Variants in PDE10A observed in about 807,000 individuals in gnomAD.
The protein encoded by PDE10A is cAMP and cAMP-inhibited cGMP 3',5'-cyclic phosphodiesterase 10A.
In PDE10A, 39 loss-of-function variants were observed where a neutral mutation model predicts 97.7. The observed-to-expected ratio is 0.40, with a 90% CI of 0.31 to 0.52. PDE10A has a LOEUF of 0.52. PDE10A is among the 20% of genes least tolerant of loss of function. The pLI is 0.56. For missense variants in PDE10A, 731 were observed against 1,047.8 expected (o/e 0.70, Z 4.17); for synonymous variants, 371 against 376.8 (o/e 0.98, Z 0.18).
chr6:165,562,555 C>T (rs1461758303), intron 1 of PDE10A, among the ~76,000 whole-genome samples: 1 of 152,084 alleles, frequency 6.6e-6, no homozygotes, highest in African/African-American at 2.4e-5. Context: ...TGTTTAGCAT[C>T]TACATTCCCT....
At chr6:165,964,010 T>C (rs1784434366) in intron 1 of PDE10A, among the ~76,000 whole-genome samples, 2 of 152,254 alleles carry the variant, frequency 1.3e-5, no homozygotes, top group African/African-American at 4.8e-5. Flanking sequence ...GTGATACCCA[T>C]GCAATCAAAA....
chr6:165,378,523 G>C (rs1005989221), intron 18 of PDE10A, among the ~76,000 whole-genome samples: 1 of 152,130 alleles, frequency 6.6e-6, no homozygotes, highest in African/African-American at 2.4e-5. Context: ...TGGGTGAACA[G>C]GTTCATAAAG....
chr6:165,404,485 T>C (rs1786949994), intron 13 of PDE10A, among the ~76,000 whole-genome samples: 1 of 152,078 alleles, frequency 6.6e-6, no homozygotes, highest in African/African-American at 2.4e-5. Context: ...GTAGTTGTAG[T>C]TTCCAAATTT....
At position 165,818,415 on chromosome 6, in the gene PDE10A, G is replaced by A. The variant is rs1460294391; in HGVS notation, c.-615+169114C>T. On this transcript the variant is annotated intron_variant, in intron 1 of 19. Coordinates refer to the PDE10A transcript ENST00000366882. ...ATGGTGAAATGAAATGCGACTCTGC[G>A]GGGAGTTGTAAAGAAAGTCAAAGAA... Among the ~76,000 whole-genome samples, 8 of 152,178 alleles carry A rather than the reference G, an allele frequency of 5.3e-5. No homozygotes were observed. The East Asian group carries it at 1.3e-3, about 26-fold the overall frequency.
intron 1 of PDE10A, among the ~76,000 whole-genome samples, chr6:165,830,056 T>C (rs1382800700): frequency 6.6e-6 from 1 of 152,220 alleles, no homozygotes; most frequent in East Asian, 1.9e-4. Flanking sequence ...GGAAATCTTA[T>C]TGAACAAATG....
intron 1 of PDE10A, among the ~76,000 whole-genome samples, chr6:165,864,165 A>G (rs1398402667): frequency 9.3e-6 from 1 of 107,950 alleles, no homozygotes; most frequent in Non-Finnish European, 1.9e-5. Context: ...GCAGCCAGCC[A>G]GATCCTTTAT....
In PDE10A at chr6:165,753,332, C is replaced by A. The variant is rs575984022; in HGVS notation, c.-614-209764G>T. ...CAGGCCAAGCACTCTTCACAATGAT[C>A]CCCGTATGTACGTGGGTGGGGTCCA... On this transcript the variant is annotated intron_variant, in intron 1 of 19. Transcript: ENST00000366882. Among the ~76,000 whole-genome samples the A allele has an allele frequency of 2.0e-5, 3 of 152,296 alleles. No homozygotes were observed. The South Asian group carries it at 6.2e-4, about 32-fold the overall frequency.
At chr6:165,833,025 C>T (rs1779968204) in intron 1 of PDE10A, among the ~76,000 whole-genome samples, 1 of 152,196 alleles carries the variant, frequency 6.6e-6, no homozygotes, top group African/African-American at 2.4e-5. Flanking sequence ...ACAATTAACA[C>T]CATCAAGAAT....
At chr6:165,782,638 C>T (rs1007651658) in intron 1 of PDE10A, among the ~76,000 whole-genome samples, 6 of 152,210 alleles carry the variant, frequency 3.9e-5, no homozygotes, top group Admixed American at 6.5e-5. Flanking sequence ...CACAATCTGT[C>T]GTATTTCCCC....
At chr6:165,613,854 T>C (rs776955526) in intron 1 of PDE10A, among the ~76,000 whole-genome samples, 6 of 152,142 alleles carry the variant, frequency 3.9e-5, no homozygotes, top group African/African-American at 9.7e-5. Flanking sequence ...CTGTATCTTA[T>C]CTGTCCAACA....
chr6:165,729,201 C>CAAA (rs34154347), intron 1 of PDE10A, among the ~76,000 whole-genome samples: 3 of 125,464 alleles, frequency 2.4e-5, no homozygotes, highest in Non-Finnish European at 4.9e-5. Context: ...GACTCCATCT[C>CAAA]AAAAAAAAAA....
chr6:165,395,227 G>C lies in PDE10A; in HGVS notation c.2257C>G (p.Pro753Ala), dbSNP rs61733392. 6.7e-3 allele frequency: 10,862 copies of C among 1,613,036 alleles called. 37 individuals are homozygous for C. Among genetic ancestry groups the C allele is most frequent in the Non-Finnish European group, 8.4e-3 (9,872 of 1,179,216 alleles). ...TGAACCATGTAGACAAAAATTCCAG[G>C]CCACATGTTTTCAAAAGGACCAATG... is the stretch of plus-strand genomic sequence containing the variant. ...FDIGPFENMW[P>A]GIFVYMVHRS... is the part of the protein sequence containing the mutation. Residue 753 changes from proline (P) to alanine (A), a missense_variant, in exon 15 of 22, where the codon CCT becomes GCT. Transcript: ENST00000539869.
At chr6:165,619,244 G>GTAGTC (rs1260465113) in intron 1 of PDE10A, among the ~76,000 whole-genome samples, 1 of 139,982 alleles carries the variant, frequency 7.1e-6, no homozygotes, top group African/African-American at 3.2e-5. Flanking sequence ...CTAGTGTGGT[G>GTAGTC]TAGTGTAGTC....
rs190393576 is a variant in PDE10A, at chr6:165,410,054, A to C, written c.2076+3447T>G. The stretch of plus-strand genomic sequence containing the variant: ...CAAGGGATACATGGACAAATGAATA[A>C]ATTTTAAGATGATCAATTTCCATAT... On this transcript the variant is annotated intron_variant, in intron 13 of 21. Transcript: ENST00000539869. Among the ~76,000 whole-genome samples, 5 of 152,114 alleles carry C rather than the reference A, an allele frequency of 3.3e-5. No homozygotes were observed. The South Asian group carries it at 6.2e-4, about 19-fold the overall frequency.
At chr6:165,907,913 C>T (rs1782343477) in intron 1 of PDE10A, among the ~76,000 whole-genome samples, 1 of 152,202 alleles carries the variant, frequency 6.6e-6, no homozygotes, top group South Asian at 2.1e-4. Flanking sequence ...TCAGTCATTG[C>T]TACCTAAACC....
intron 1 of PDE10A, among the ~76,000 whole-genome samples, chr6:165,594,905 C>T (rs933857733): frequency 6.6e-6 from 1 of 152,170 alleles, no homozygotes; most frequent in African/African-American, 2.4e-5. Flanking sequence ...AAAAGGATGG[C>T]AGGAGGTTAA....
intron 2 of PDE10A, among the ~76,000 whole-genome samples, chr6:165,531,395 C>T (rs1370389047): frequency 1.3e-5 from 2 of 151,602 alleles, no homozygotes; most frequent in Non-Finnish European, 2.9e-5. Flanking sequence ...GAGCTGTGTG[C>T]TTTTCTATAT....
intron 3 of PDE10A, among the ~76,000 whole-genome samples, chr6:165,477,720 T>G (rs1281401779): frequency 6.6e-6 from 1 of 152,050 alleles, no homozygotes; most frequent in Admixed American, 6.6e-5. Context: ...CTTCGAAACA[T>G]AGAGAAATAA....
rs1305970200 is a variant in PDE10A at position 165,329,834 on chromosome 6, T to C, written c.*3191A>G. The C allele has an allele frequency of 3.9e-5, 6 of 152,264 alleles. No homozygotes were observed. The East Asian group carries it at 7.7e-4, about 20-fold the overall frequency. 9.4% of individuals were successfully genotyped at this position (152,264 alleles called of 1,614,324 possible). ...ATTGAAGAGTCAGGAATGGGAACGA[T>C]TGTGTCTAATATTTTGGTCTCTTTT... On this transcript the variant is annotated 3_prime_UTR_variant, in exon 22 of 22. Transcript: ENST00000539869.
Sources: allele counts gnomAD v4.1 joint callset (sites outside exome capture counted in the v4.1 genomes callset), GRCh38; gene constraint gnomAD v4.1.1; transcripts MANE v1.5; gene names NCBI Gene and HGNC (gene_info 2026-07-23, HGNC 2026-07-21).